Variants in PLEKHG5 observed in about 807,000 individuals in gnomAD.
PLEKHG5 encodes the protein pleckstrin homology domain-containing family G member 5.
Under a neutral mutation model 103.8 loss-of-function variants are expected in PLEKHG5, and 52 were observed. The observed-to-expected ratio is 0.50, with a 90% CI of 0.40 to 0.63. The LOEUF (loss-of-function observed/expected upper bound fraction) is 0.63, where lower values mean the gene tolerates loss of function less well. PLEKHG5 is among the 30% of genes least tolerant of loss of function. PLEKHG5 has a pLI of 0.00. For missense variants in PLEKHG5, 1,205 were observed against 1,347.6 expected (o/e 0.89, Z 1.66); for synonymous variants, 592 against 575.5 (o/e 1.03, Z -0.41).
chr1:6,482,972 G>C (rs1260838722), intron 1 of PLEKHG5, among the ~76,000 whole-genome samples: 1 of 152,246 alleles, frequency 6.6e-6, no homozygotes, highest in African/African-American at 2.4e-5. Context: ...GCCTCACCAA[G>C]TGCTGGGATT....
At chr1:6,518,989 C>T (rs1490657317) in intron 1 of PLEKHG5, among the ~76,000 whole-genome samples, 5 of 152,212 alleles carry the variant, frequency 3.3e-5, no homozygotes, top group African/African-American at 9.6e-5. Flanking sequence ...ACTACAGGTG[C>T]GTGCCACCAC....
Position 6,477,519 on chromosome 1 carries a change from C to G in PLEKHG5, c.43+10G>C. The G allele has an allele frequency of 6.2e-7, 1 of 1,610,752 alleles. No individual in the cohort carries two copies. The highest frequency in any genetic ancestry group is 1.1e-5 in the South Asian group (1 of 91,062). ...CTGGGGGCCGAGCTGCGGCTCCCGC[C>G]TGTGCTCACCTTGTGGGGGAAGGTC... On this transcript the variant is annotated intron_variant, in intron 2 of 20. Transcript: ENST00000377728.
intron 15 of PLEKHG5, 49 bp from the exon 16 acceptor site, chr1:6,470,404 T>C (rs1450563209): frequency 6.2e-6 from 10 of 1,613,222 alleles, no homozygotes; most frequent in Non-Finnish European, 6.8e-6. Context: ...CTGACTCCCA[T>C]CTCAGCTAGG....
rs529031714 is a variant in PLEKHG5, at chr1:6,506,634, C to T, written c.-164-10065G>A. ...CCCTGCAGGATTTCTCAGTGAGGAA[C>T]AGAAGCACCTGTGGGGACGCCGTGG... On this transcript the variant is annotated intron_variant, in intron 1 of 21. Transcript: ENST00000377740. Among the ~76,000 whole-genome samples, 168 of 152,324 alleles carry T rather than the reference C, an allele frequency of 1.1e-3. 1 individual carries two copies. Among genetic ancestry groups the T allele is most frequent in the Middle Eastern group, 6.8e-3 (2 of 294 alleles).
upstream of PLEKHG5, among the ~76,000 whole-genome samples, chr1:6,497,987 G>A (rs1425138202): frequency 2.7e-5 from 2 of 75,216 alleles, no homozygotes; most frequent in African/African-American, 1.0e-4. The surrounding 1 kb of genome is among the most constrained non-coding windows in gnomAD (Gnocchi z 6.1). Context: ...CCCAGCCCCC[G>A]CCACCTCCCT....
chr1:6,477,457 C>T lies in PLEKHG5; in HGVS notation c.43+72G>A, dbSNP rs545043114. 176 of 1,496,794 alleles carry T rather than the reference C, an allele frequency of 1.2e-4. 1 individual carries two copies. In the Admixed American group the frequency reaches 1.2e-3, roughly 10 times the overall value. 92.7% of individuals were successfully genotyped at this position (1,496,794 alleles called of 1,614,324 possible). On this transcript the variant is annotated intron_variant, in intron 2 of 20. Transcript: ENST00000377728. ...GACTTGTCCTTATGACGCCCTAGCA[C>T]GTTTCCGACAGTTACTGAAACACTG...
At chr1:6,474,267 CT>C in intron 6 of PLEKHG5, 103 bp from the exon 7 acceptor site, 1 of 1,454,318 alleles carries the variant, frequency 6.9e-7, no homozygotes, top group African/African-American at 1.4e-5. Flanking sequence ...CCTGCCTGCC[CT>C]CCCCCGACAG....
rs1270516228 is a variant in PLEKHG5 at position 6,490,852 on chromosome 1, C to T, written c.-88+785G>A. ...AAAGTTCAAAGTCCCTGGTCATTAA[C>T]TTGGGCTTGAAGACGGGAGCTCGCC... On this transcript the variant is annotated intron_variant, in intron 1 of 20. Coordinates refer to ENST00000377728, the MANE Select transcript of PLEKHG5 (RefSeq NM_020631.6). The surrounding 1 kb of genome is among the most constrained non-coding windows in gnomAD (Gnocchi z 8.0). Among the ~76,000 whole-genome samples the T allele has an allele frequency of 6.6e-6, 1 of 152,156 alleles. No homozygotes were observed. The highest frequency in any genetic ancestry group is 2.4e-5 in the African/African-American group (1 of 41,444).
intron 4 of PLEKHG5, 47 bp downstream of exon 4, chr1:6,475,415 G>A (rs761743929): frequency 9.1e-6 from 14 of 1,536,220 alleles, no homozygotes; most frequent in African/African-American, 5.5e-5. Flanking sequence ...GGGGAAGGGC[G>A]CAGGCTGTAG....
chr1:6,468,104 G>A lies in PLEKHG5; in HGVS notation c.2732C>T (p.Ala911Val), dbSNP rs1354727100. The A allele has an allele frequency of 1.3e-6, 2 of 1,583,390 alleles. No homozygotes were observed. Among genetic ancestry groups the A allele is most frequent in the Non-Finnish European group, 1.7e-6 (2 of 1,165,306 alleles). ...GGAGCCCTGAGTCCTAATACCTGGG[G>A]CTGGAACAGCCAGGCAGAGCTCTGA... Reference protein sequence around the residue: ...SLSELCLAVPAPGIRTQGSPQ... With the variant: ...SLSELCLAVPVPGIRTQGSPQ... Residue 911 changes from alanine (A) to valine (V), a missense_variant, in exon 20 of 21, where the codon GCC becomes GTC. Coordinates refer to ENST00000377728, the MANE Select transcript of PLEKHG5 (RefSeq NM_020631.6).
chr1:6,488,011 C>T (rs1252609420), intron 1 of PLEKHG5, among the ~76,000 whole-genome samples: 1 of 152,210 alleles, frequency 6.6e-6, no homozygotes, highest in East Asian at 1.9e-4. Context: ...ACAGAGCCTT[C>T]CCCACTGCCA....
Position 6,516,423 on chromosome 1 carries a change from G to A in PLEKHG5, c.-165+3022C>T, listed in dbSNP as rs574457399. 5.9e-5 allele frequency among the ~76,000 whole-genome samples: 9 copies of A among 152,152 alleles called. No individual in the cohort carries two copies. In the South Asian group the frequency reaches 1.4e-3, roughly 24 times the overall value. On this transcript the variant is annotated intron_variant, in intron 1 of 21. Coordinates refer to the PLEKHG5 transcript ENST00000377740. ...CTGCAATCCCAACACTTTGGAGGCC[G>A]AGGAGGGTGGATCACCTGAGGTCAG...
At position 6,474,109 on chromosome 1, in the gene PLEKHG5, C is replaced by G. The variant is rs150772386; in HGVS notation, c.495G>C (p.Lys165Asn). Residue 165 changes from lysine (K) to asparagine (N), a missense_variant, in exon 7 of 21, where the codon AAG becomes AAC. Coordinates refer to ENST00000377728, the MANE Select transcript of PLEKHG5 (RefSeq NM_020631.6). ...GKVEQGMKDS[K>N]SLSLPILRPA... ...GCCGCAGAATCGGCAAACTCAGGGA[C>G]TTGGAGTCCTTCATGCCCTGCTCCA... The G allele has an allele frequency of 5.0e-6, 8 of 1,613,400 alleles. No homozygotes were observed. Among genetic ancestry groups the G allele is most frequent in the Non-Finnish European group, 5.9e-6 (7 of 1,179,974 alleles).
At chr1:6,496,451 C>G, upstream of PLEKHG5, 1 of 1,439,862 alleles carries the variant, frequency 6.9e-7, no homozygotes, top group Non-Finnish European at 9.7e-7. Flanking sequence ...GAGCCCTGGC[C>G]CCTCTGCCCC....
At chr1:6,512,284 G>T (rs1638495553) in intron 1 of PLEKHG5, among the ~76,000 whole-genome samples, 1 of 152,216 alleles carries the variant, frequency 6.6e-6, no homozygotes, top group Non-Finnish European at 1.5e-5. Context: ...CCCAGGCCGA[G>T]CGAGTTGTCC....
At chr1:6,482,741 C>T (rs779938325) in intron 1 of PLEKHG5, among the ~76,000 whole-genome samples, 5 of 152,174 alleles carry the variant, frequency 3.3e-5, no homozygotes, top group Non-Finnish European at 7.3e-5. Context: ...TAGAGTCTCG[C>T]TCTGTTGCCC....
upstream of PLEKHG5, among the ~76,000 whole-genome samples, chr1:6,498,010 T>TC (rs1010105052): frequency 6.3e-5 from 8 of 126,200 alleles, no homozygotes; most frequent in Non-Finnish European, 8.3e-5. Flanking sequence ...TGCCAACCGG[T>TC]CCCCCCAAGG....
chr1:6,500,085 G>A (rs528125037), upstream of PLEKHG5, among the ~76,000 whole-genome samples: 150 of 152,274 alleles, frequency 9.9e-4, no homozygotes, highest in Admixed American at 2.7e-3. Context: ...TATAGTTGTT[G>A]AGCCATCTAC....
At position 6,470,611 on chromosome 1, in the gene PLEKHG5, C is replaced by G. The variant is rs1488054852; in HGVS notation, c.1575G>C (p.Val525=). The change falls in exon 15 of 21, where the codon GTG becomes GTC. Residue 525 remains valine (V), a synonymous_variant. Transcript: ENST00000377728. ...CCTGCCGCTGCCGCATGCACGCGTTCACGTGGTGGATGAAGCGCTCCACGG... is the reference window on the plus strand; with the variant it reads ...CCTGCCGCTGCCGCATGCACGCGTTGACGTGGTGGATGAAGCGCTCCACGG... ...IGSVERFIHH[V]NACMRQRQER... 20 of 1,596,072 alleles carry G rather than the reference C, an allele frequency of 1.3e-5. No individual in the cohort carries two copies. The highest frequency in any genetic ancestry group is 1.7e-5 in the Non-Finnish European group (20 of 1,176,220).
Sources: gnomAD v4.1 joint callset for allele counts (sites outside exome capture counted in the v4.1 genomes callset) on GRCh38, gnomAD v4.1.1 for gene constraint, Gnocchi (gnomAD v3.1) non-coding constraint, MANE v1.5 for transcripts, NCBI Gene and HGNC (gene_info 2026-07-23, HGNC 2026-07-21) for gene names.